Variants in HMMR observed in about 807,000 individuals in gnomAD.
HMMR encodes the protein intracellular hyaluronic acid-binding protein.
In HMMR, 108 loss-of-function variants were observed where a neutral mutation model predicts 101.0. The ratio of observed to expected loss-of-function variants is 1.07; its 90% CI spans 0.92 to 1.25. The LOEUF is 1.25. HMMR is among the 50% of genes most tolerant of loss of function. The pLI, the probability that HMMR is intolerant of heterozygous loss-of-function variation, is 0.00. For synonymous variants in HMMR, 296 were observed against 276.4 expected (o/e 1.07, Z -0.70); for missense variants, 813 against 788.7 (o/e 1.03, Z -0.37).
intron 1 of HMMR, among the ~76,000 whole-genome samples, chr5:163,463,432 T>A (rs1321569997): frequency 2.6e-5 from 4 of 152,230 alleles, no homozygotes; most frequent in African/African-American, 9.6e-5. Flanking sequence ...GGATTATCAC[T>A]ATAAATTTTT....
intron 3 of HMMR, 143 bp from the exon 4 acceptor site, chr5:163,467,558 T>C: frequency 2.0e-6 from 1 of 502,026 alleles, no homozygotes; most frequent in Non-Finnish European, 3.7e-6. Context: ...ATGAGTGGCC[T>C]ACACAATGTT....
At chr5:163,464,072 A>G (rs1458449947) in intron 2 of HMMR, 118 bp downstream of exon 2, 1 of 424,604 alleles carries the variant, frequency 2.4e-6, no homozygotes, top group Non-Finnish European at 4.3e-6. Context: ...ACTATATTTA[A>G]ATTTTATTTG....
intron 16 of HMMR, among the ~76,000 whole-genome samples, chr5:163,488,618 G>A (rs1367578293): frequency 6.6e-6 from 1 of 152,090 alleles, no homozygotes; most frequent in African/African-American, 2.4e-5. Flanking sequence ...ACAGTTTTAG[G>A]TGTGCCCACA....
Position 163,490,404 on chromosome 5 carries a change from C to A in HMMR, c.1977C>A (p.Leu659=). The A allele has an allele frequency of 1.9e-6, 3 of 1,578,312 alleles. No individual in the cohort carries two copies. Reference sequence around the variant, plus strand: ...TTTTTACCTAGGAAGTATCAAAACTCCGCTGTCAGCTTGCTAAAAAAAAAC... The same window carrying A: ...TTTTTACCTAGGAAGTATCAAAACTACGCTGTCAGCTTGCTAAAAAAAAAC... The part of the protein sequence containing the change: ...NSQLKSEVSK[L]RCQLAKKKQS... Residue 659 remains leucine (L), a synonymous_variant, in exon 17 of 18, where the codon CTC becomes CTA. Transcript: ENST00000393915.
At chr5:163,473,981 T>A in intron 9 of HMMR, 76 bp from the exon 10 acceptor site, 1 of 1,166,928 alleles carries the variant, frequency 8.6e-7, no homozygotes, top group Non-Finnish European at 1.2e-6. Context: ...TGTAATGGAA[T>A]ATTATGGGAG....
intron 1 of HMMR, among the ~76,000 whole-genome samples, chr5:163,462,084 A>G (rs1051272259): frequency 2.0e-5 from 3 of 152,156 alleles, no homozygotes; most frequent in African/African-American, 7.2e-5. Context: ...GCACAAACTT[A>G]TTTTCTTAGT....
chr5:163,462,134 AG>A (rs1393652542), intron 1 of HMMR, among the ~76,000 whole-genome samples: 1 of 152,204 alleles, frequency 6.6e-6, no homozygotes, highest in African/African-American at 2.4e-5. Flanking sequence ...GAGTAATCAA[AG>A]GACCTACTCT....
rs763795160 is a variant in HMMR at position 163,475,466 on chromosome 5, T to C, written c.1062T>C (p.Ser354=). 1 of 1,584,866 alleles carries C rather than the reference T, an allele frequency of 6.3e-7. No individual in the cohort carries two copies. Among genetic ancestry groups the C allele is most frequent in the South Asian group, 1.1e-5 (1 of 87,698 alleles). Residue 354 remains serine, a synonymous_variant, in exon 11 of 18, where the codon TCT becomes TCC. Transcript: ENST00000393915. ...TTTCTGTTTGGATATAGGAATTATC[T>C]TCGAGTCTTCATCAGAAGCTCTGTT... ...DSLLQQEKEL[S]SSLHQKLCSF...
At position 163,470,188 on chromosome 5, in the gene HMMR, AC is replaced by A. The variant is rs202048041; in HGVS notation, c.462+360del. The stretch of plus-strand genomic sequence containing the variant: ...ATCTCAAAAAACAAAACAAAACAAA[AC>A]AACATACACCAGGCGATTCAGATTC... On this transcript the variant is annotated intron_variant, in intron 5 of 17. Transcript: ENST00000393915. 8.6e-3 allele frequency among the ~76,000 whole-genome samples: 1,310 copies of A among 152,184 alleles called. 17 individuals carry two copies. The highest frequency in any genetic ancestry group is 0.029 in the African/African-American group (1,188 of 41,538).
chr5:163,475,848 A>C (rs181013050), intron 11 of HMMR, among the ~76,000 whole-genome samples, 176 bp downstream of exon 11: 43 of 152,342 alleles, frequency 2.8e-4, no homozygotes, highest in Admixed American at 9.8e-4. Context: ...TGTGAACACA[A>C]AATGTACATG....
rs1759703688 is a variant in HMMR, at chr5:163,491,763, C to T, written c.*599C>T. The T allele has an allele frequency of 6.6e-6, 1 of 152,162 alleles. No individual in the cohort carries two copies. Among genetic ancestry groups the T allele is most frequent in the Admixed American group, 6.5e-5 (1 of 15,286 alleles). The allele number at this position is 152,162 out of a possible 1,614,324, so 9.4% of individuals were successfully genotyped here. ...TATAATCTGTGGATTGGCCTTTAAGCCTGCATTCTTAACAAACTCTTCAGT... is the reference window on the plus strand; with the variant it reads ...TATAATCTGTGGATTGGCCTTTAAGTCTGCATTCTTAACAAACTCTTCAGT... On this transcript the variant is annotated 3_prime_UTR_variant, in exon 18 of 18. Coordinates refer to ENST00000393915, the MANE Select transcript of HMMR (RefSeq NM_001142556.2).
intron 5 of HMMR, 164 bp downstream of exon 5, chr5:163,469,993 C>T (rs1758830934): frequency 2.1e-6 from 1 of 481,012 alleles, no homozygotes; most frequent in Non-Finnish European, 3.7e-6. Flanking sequence ...CATGGAGAAA[C>T]CCTGTCTCTA....
At chr5:163,471,109 A>C in intron 5 of HMMR, 76 bp from the exon 6 acceptor site, 1 of 911,874 alleles carries the variant, frequency 1.1e-6, no homozygotes, top group Non-Finnish European at 1.7e-6. Context: ...ATAGGTAGAA[A>C]AATCAATATT....
chr5:163,469,564 G>C, intron 4 of HMMR, 77 bp from the exon 5 acceptor site: 2 of 1,178,984 alleles, frequency 1.7e-6, no homozygotes, highest in Non-Finnish European at 2.5e-6. Flanking sequence ...AGAAACTTTA[G>C]GGGTGATTAT....
intron 11 of HMMR, among the ~76,000 whole-genome samples, chr5:163,476,246 G>A (rs1406883033): frequency 6.6e-6 from 1 of 152,118 alleles, no homozygotes; most frequent in Non-Finnish European, 1.5e-5. Flanking sequence ...AAGCCCACGA[G>A]ATTAAGGCTG....
At chr5:163,478,594 G>A (rs1308389460) in intron 11 of HMMR, 90 bp from the exon 12 acceptor site, 3 of 777,818 alleles carry the variant, frequency 3.9e-6, no homozygotes, top group Non-Finnish European at 2.3e-6. Flanking sequence ...TGAGCTATAT[G>A]ATTCACAGTT....
chr5:163,468,910 A>G (rs181084782), intron 4 of HMMR, among the ~76,000 whole-genome samples: 36 of 152,052 alleles, frequency 2.4e-4, no homozygotes, highest in African/African-American at 8.0e-4. Flanking sequence ...TTAATCTGGT[A>G]ATAGCAGCAA....
chr5:163,490,676 T>C (rs2113530260), intron 17 of HMMR, 124 bp downstream of exon 17: 1 of 725,014 alleles, frequency 1.4e-6, no homozygotes. Flanking sequence ...AAGCAGTTCT[T>C]ACTGAGATTG....
intron 16 of HMMR, among the ~76,000 whole-genome samples, chr5:163,489,737 A>G (rs141178408): frequency 4.6e-5 from 7 of 152,150 alleles, no homozygotes; most frequent in Non-Finnish European, 7.3e-5. Context: ...CCACCTCACA[A>G]TTGCATTTGT....
Sources: gnomAD v4.1 joint callset for allele counts (sites outside exome capture counted in the v4.1 genomes callset) on GRCh38, gnomAD v4.1.1 for gene constraint, MANE v1.5 for transcripts, NCBI Gene and HGNC (gene_info 2026-07-23, HGNC 2026-07-21) for gene names.